IL1RAPL2: variants seen among roughly 807,000 people sequenced by gnomAD.
IL1RAPL2 encodes the protein interleukin 1 receptor accessory protein like 2, also known as X-linked interleukin-1 receptor accessory protein-like 2.
In IL1RAPL2, 3 loss-of-function variants were observed where a neutral mutation model predicts 44.1. The observed-to-expected ratio is 0.07, with a 90% CI of 0.03 to 0.18. The LOEUF (loss-of-function observed/expected upper bound fraction) is 0.18. Among genes scored for constraint, IL1RAPL2 ranks in the 10% least tolerant of loss-of-function variants. IL1RAPL2 has a pLI of 1.00. For synonymous variants in IL1RAPL2, 181 were observed against 178.8 expected (o/e 1.01, Z -0.10); for missense variants, 391 against 496.4 (o/e 0.79, Z 2.02).
intron 2 of IL1RAPL2, among the ~76,000 whole-genome samples, chrX:104,897,002 AC>A (rs1171257208): frequency 8.9e-6 from 1 of 111,810 alleles, no homozygotes; most frequent in Non-Finnish European, 1.9e-5. Context: ...ACACATCTGA[AC>A]ATCTGAAGGA....
At chrX:105,544,482 G>C (rs1045519327) in intron 6 of IL1RAPL2, among the ~76,000 whole-genome samples, 61 of 110,191 alleles carry the variant, frequency 5.5e-4, no homozygotes, top group African/African-American at 2.0e-3. Context: ...AATAGAAGTG[G>C]CGAAAGCAGA....
intron 5 of IL1RAPL2, among the ~76,000 whole-genome samples, chrX:105,376,884 G>A (rs2035391502): frequency 8.9e-6 from 1 of 112,164 alleles, no homozygotes; most frequent in African/African-American, 3.2e-5. Context: ...AATCAGCTAT[G>A]CCATTCATCA....
intron 6 of IL1RAPL2, among the ~76,000 whole-genome samples, chrX:105,561,771 T>C (rs2036939480): frequency 8.9e-6 from 1 of 111,975 alleles, no homozygotes; most frequent in African/African-American, 3.2e-5. Context: ...CCTTGTCTCT[T>C]GACCTTTGCT....
intron 3 of IL1RAPL2, chrX:105,220,123 C>G: frequency 8.3e-7 from 1 of 1,211,647 alleles, no homozygotes; most frequent in Non-Finnish European, 1.1e-6. Flanking sequence ...GCCGTGCAGC[C>G]ACCGCACCCT....
intron 2 of IL1RAPL2, among the ~76,000 whole-genome samples, chrX:104,940,716 T>C (rs1205601838): frequency 9.0e-6 from 1 of 110,684 alleles, no homozygotes; most frequent in Non-Finnish European, 1.9e-5. Context: ...TTTTTTTACA[T>C]TGATTTTTTA....
At chrX:104,926,301 G>A (rs1456636791) in intron 2 of IL1RAPL2, among the ~76,000 whole-genome samples, 1 of 112,040 alleles carries the variant, frequency 8.9e-6, no homozygotes, top group Non-Finnish European at 1.9e-5. Context: ...TCAAATTTAG[G>A]TGTATTTCGT....
At chrX:105,514,677 A>G (rs765329582) in intron 6 of IL1RAPL2, among the ~76,000 whole-genome samples, 5 of 111,596 alleles carry the variant, frequency 4.5e-5, no homozygotes, top group Non-Finnish European at 9.4e-5. Flanking sequence ...AGCGGACAGT[A>G]AAAGGAGGCA....
chrX:105,219,748 G>A, intron 3 of IL1RAPL2: 1 of 1,203,280 alleles, frequency 8.3e-7, no homozygotes, highest in Non-Finnish European at 1.1e-6. Context: ...CTCATGGGGA[G>A]ACACCAGCTC....
intron 2 of IL1RAPL2, among the ~76,000 whole-genome samples, chrX:104,931,996 A>ATATT (rs1455144657): frequency 2.0e-4 from 17 of 84,774 alleles, no homozygotes; most frequent in Non-Finnish European, 3.3e-4. Context: ...ATATATATAT[A>ATATT]TTTTTTTTTT....
chrX:104,806,540 G>A (rs184814289), intron 2 of IL1RAPL2, among the ~76,000 whole-genome samples: 27 of 112,431 alleles, frequency 2.4e-4, no homozygotes, highest in Admixed American at 9.4e-4. Flanking sequence ...CTAAGCAACC[G>A]TTTAAATCTG....
intron 1 of IL1RAPL2, among the ~76,000 whole-genome samples, chrX:104,596,198 T>A (rs1386043659): frequency 1.8e-5 from 2 of 111,592 alleles, no homozygotes; most frequent in Non-Finnish European, 3.8e-5. Context: ...TAATTTGAAG[T>A]AATAGGTGAA....
intron 5 of IL1RAPL2, chrX:105,405,697 T>A (rs2035638767): frequency 2.0e-6 from 2 of 981,781 alleles, no homozygotes; most frequent in Non-Finnish European, 1.5e-6. Flanking sequence ...ACGGAAAGAG[T>A]AAGAGACTTA....
intron 2 of IL1RAPL2, among the ~76,000 whole-genome samples, chrX:104,870,638 C>T (rs769129972): frequency 1.7e-4 from 19 of 111,501 alleles, no homozygotes; most frequent in South Asian, 1.1e-3. Context: ...TGTCTCCCCA[C>T]CATACCCTGC....
At chrX:105,132,162 GAAA>G (rs764917479) in intron 2 of IL1RAPL2, among the ~76,000 whole-genome samples, 1 of 90,390 alleles carries the variant, frequency 1.1e-5, no homozygotes, top group Non-Finnish European at 2.3e-5. Context: ...AAAGAATCAA[GAAA>G]AAAAAAAAAG....
At chrX:105,391,374 G>A (rs113060489) in intron 5 of IL1RAPL2, among the ~76,000 whole-genome samples, 3,302 of 108,943 alleles carry the variant, frequency 0.03, 124 homozygotes, top group African/African-American at 0.1. Context: ...CATTTATGCA[G>A]CCAAAAAACA....
intron 6 of IL1RAPL2, among the ~76,000 whole-genome samples, chrX:105,649,003 G>T (rs914842954): frequency 9.0e-6 from 1 of 111,331 alleles, no homozygotes; most frequent in Non-Finnish European, 1.9e-5. Flanking sequence ...AAGCCTTTCA[G>T]ATTGCCTAAG....
In IL1RAPL2 at chrX:105,626,206, C is replaced by A. The variant is rs776634925; in HGVS notation, c.773-91161C>A. ...AAGCCTTGCTTTTTGTTAGATGAAC[C>A]TTTGAAAAGGGTGTTTTGAATTTTT... is the stretch of plus-strand genomic sequence containing the variant. On this transcript the variant is annotated intron_variant, in intron 6 of 10. Coordinates refer to ENST00000372582, the MANE Select transcript of IL1RAPL2 (RefSeq NM_017416.2). Among the ~76,000 whole-genome samples, 36 of 111,626 alleles carry A rather than the reference C, an allele frequency of 3.2e-4. No homozygotes were observed. The Admixed American group carries it at 3.3e-3, about 10-fold the overall frequency.
At chrX:104,932,411 C>T (rs897381869) in intron 2 of IL1RAPL2, among the ~76,000 whole-genome samples, 1 of 111,633 alleles carries the variant, frequency 9.0e-6, no homozygotes, top group African/African-American at 3.3e-5. Context: ...AAAAATCACA[C>T]ATACACACAC....
intron 5 of IL1RAPL2, among the ~76,000 whole-genome samples, chrX:105,387,241 T>C (rs1301301980): frequency 1.9e-5 from 2 of 106,666 alleles, no homozygotes; most frequent in East Asian, 2.9e-4. Context: ...CATTTTCTTT[T>C]TTTTTTTTTT....
Sources: gnomAD v4.1 joint callset for allele counts (sites outside exome capture counted in the v4.1 genomes callset) on GRCh38, gnomAD v4.1.1 for gene constraint, MANE v1.5 for transcripts, NCBI Gene and HGNC (gene_info 2026-07-23, HGNC 2026-07-21) for gene names.